FABP3: variants seen among roughly 807,000 people sequenced by gnomAD.
FABP3 encodes fatty acid-binding protein, heart.
FABP3 carries 8 observed loss-of-function variants against 13.4 expected under a neutral mutation model. The observed-to-expected ratio is 0.60, with a 90% CI of 0.35 to 1.07. FABP3 has a LOEUF of 1.07. Among genes scored for constraint, FABP3 ranks in the 50% least tolerant of loss-of-function variants. The pLI is 0.02. For synonymous variants in FABP3, 64 were observed against 60.0 expected (o/e 1.07, Z -0.31); for missense variants, 135 against 164.7 (o/e 0.82, Z 0.99).
intron 2 of FABP3, among the ~76,000 whole-genome samples, chr1:31,367,807 T>C (rs745690250): frequency 6.6e-6 from 1 of 152,178 alleles, no homozygotes; most frequent in Non-Finnish European, 1.5e-5. Flanking sequence ...CAGACACTTA[T>C]CTGTACTCTA....
chr1:31,364,990 A>T (rs1372695719), downstream of FABP3: 1 of 152,208 alleles, frequency 6.6e-6, no homozygotes, highest in African/African-American at 2.4e-5. Context: ...TACAGACTTA[A>T]AGTCACTGAG....
chr1:31,370,744 C>T (rs2148496134), intron 1 of FABP3, among the ~76,000 whole-genome samples: 1 of 152,252 alleles, frequency 6.6e-6, no homozygotes, highest in South Asian at 2.1e-4. Context: ...GAACAAAGAA[C>T]TAATCATGAC....
At chr1:31,363,312 T>C (rs1162416346), downstream of FABP3, among the ~76,000 whole-genome samples, 1 of 151,792 alleles carries the variant, frequency 6.6e-6, no homozygotes, top group Non-Finnish European at 1.5e-5. Flanking sequence ...GCCTCCCGAG[T>C]AGCTGGGACT....
downstream of FABP3, chr1:31,364,884 T>C (rs955266985): frequency 6.6e-6 from 1 of 152,276 alleles, no homozygotes; most frequent in Non-Finnish European, 1.5e-5. Flanking sequence ...TGATTCTACT[T>C]CAGGTCCTTG....
chr1:31,367,675 G>C (rs1037793009), intron 2 of FABP3, among the ~76,000 whole-genome samples, 181 bp from the exon 3 acceptor site: 10 of 152,224 alleles, frequency 6.6e-5, no homozygotes, highest in African/African-American at 1.9e-4. Context: ...TTCACCTCCA[G>C]CCTCTGCTCC....
At chr1:31,370,344 C>T (rs1640186071) in intron 1 of FABP3, among the ~76,000 whole-genome samples, 1 of 152,210 alleles carries the variant, frequency 6.6e-6, no homozygotes, top group Non-Finnish European at 1.5e-5. Flanking sequence ...GGCTGCCTTC[C>T]AGGGCACCTG....
downstream of FABP3, chr1:31,363,975 T>C: frequency 1.3e-6 from 2 of 1,586,924 alleles, no homozygotes; most frequent in Admixed American, 1.8e-5. Context: ...TTATGTGCTA[T>C]GATTGTTAAA....
intron 2 of FABP3, among the ~76,000 whole-genome samples, chr1:31,367,798 A>T (rs1010575968): frequency 2.0e-5 from 3 of 152,194 alleles, no homozygotes; most frequent in Non-Finnish European, 4.4e-5. Context: ...CCTTCAAGAC[A>T]GACACTTATC....
intron 2 of FABP3, among the ~76,000 whole-genome samples, chr1:31,368,217 C>T (rs1640145540): frequency 6.6e-6 from 1 of 152,168 alleles, no homozygotes; most frequent in Admixed American, 6.5e-5. Flanking sequence ...TCCTGATGAG[C>T]AAGGTGGTTC....
At chr1:31,363,904 C>T (rs937682520), downstream of FABP3, 1 of 1,402,730 alleles carries the variant, frequency 7.1e-7, no homozygotes, top group East Asian at 2.5e-5. Flanking sequence ...CTCAAGCATT[C>T]CTCCCACCTC....
At chr1:31,369,701 C>G in intron 1 of FABP3, 144 bp from the exon 2 acceptor site, 1 of 729,608 alleles carries the variant, frequency 1.4e-6, no homozygotes, top group East Asian at 2.7e-5. Flanking sequence ...TTTTAAAATT[C>G]AGTCTTGCGC....
At chr1:31,372,060 C>T (rs1310137383) in intron 1 of FABP3, among the ~76,000 whole-genome samples, 1 of 152,180 alleles carries the variant, frequency 6.6e-6, no homozygotes. Flanking sequence ...ATGGGAATCT[C>T]CAAGTTCCTC....
chr1:31,369,473 T>C lies in FABP3; in HGVS notation c.158A>G (p.Lys53Arg), dbSNP rs2228194. Residue 53 changes from lysine (K) to arginine (R), a missense_variant, in exon 2 of 4, where the codon AAA becomes AGA. Physicochemically the swap from Lys to Arg is conservative, Grantham distance 26. Coordinates refer to ENST00000373713, the MANE Select transcript of FABP3 (RefSeq NM_004102.5). ...TGTGTTCTTGAAGGTGCTGTGTGTT[T>C]TTAGGGTGAGAATGTCCCCATTCTT... Reference protein sequence around the residue: ...IEKNGDILTLKTHSTFKNTEI... With the variant: ...IEKNGDILTLRTHSTFKNTEI... 0.032 allele frequency: 51,184 copies of C among 1,614,132 alleles called. 924 individuals are homozygous for C. Among genetic ancestry groups the C allele is most frequent in the Non-Finnish European group, 0.036 (43,039 of 1,180,014 alleles).
Position 31,367,308 on chromosome 1 carries a change from G to A in FABP3, c.348+85C>T, listed in dbSNP as rs1441493001. 4.6e-6 allele frequency: 5 copies of A among 1,085,582 alleles called. No homozygotes were observed. In the Admixed American group the frequency reaches 6.8e-5, roughly 15 times the overall value. 67.2% of individuals were successfully genotyped at this position (1,085,582 alleles called of 1,614,324 possible). ...GTCCCAGCTTCTACAGCTCTCAGGG[G>A]AGGACTTGGCTTTTTAGAACAGGCT... On this transcript the variant is annotated intron_variant, in intron 3 of 3. Coordinates refer to ENST00000373713, the MANE Select transcript of FABP3 (RefSeq NM_004102.5).
chr1:31,364,287 T>C (rs1483025105), downstream of FABP3: 1 of 1,466,644 alleles, frequency 6.8e-7, no homozygotes, highest in East Asian at 2.5e-5. Flanking sequence ...GAATATAGCC[T>C]CCCACCCCAT....
Position 31,372,936 on chromosome 1 carries a change from G to C in FABP3, c.73+6C>G. 2 of 1,612,658 alleles carry C rather than the reference G, an allele frequency of 1.2e-6. No homozygotes were observed. The highest frequency in any genetic ancestry group is 2.7e-5 in the African/African-American group (2 of 75,056). On this transcript the variant is annotated splice_donor_region_variant and intron_variant, in intron 1 of 3. Transcript: ENST00000373713. ...GCCAACATCCTGAGCCCCGCGGCTTGCTCACCGAGTGACTTCATGTAGTCA... is the reference window on the plus strand; with the variant it reads ...GCCAACATCCTGAGCCCCGCGGCTTCCTCACCGAGTGACTTCATGTAGTCA...
At chr1:31,363,745 G>A (rs757671051), downstream of FABP3, among the ~76,000 whole-genome samples, 72 of 152,186 alleles carry the variant, frequency 4.7e-4, no homozygotes, top group Non-Finnish European at 8.5e-4. Flanking sequence ...TCGTGCCACT[G>A]CACTGCACTC....
chr1:31,364,446 A>G, downstream of FABP3: 1 of 524,726 alleles, frequency 1.9e-6, no homozygotes, highest in East Asian at 3.1e-5. Context: ...CCATTCATTC[A>G]CCCAACTTCC....
chr1:31,363,788 G>A (rs1640021957), downstream of FABP3, among the ~76,000 whole-genome samples: 1 of 152,082 alleles, frequency 6.6e-6, no homozygotes, highest in Admixed American at 6.5e-5. Context: ...CTGTCTAAAA[G>A]AAAATTAAGT....
Sources: allele counts gnomAD v4.1 joint callset (sites outside exome capture counted in the v4.1 genomes callset), GRCh38; gene constraint gnomAD v4.1.1; transcripts MANE v1.5; gene names NCBI Gene and HGNC (gene_info 2026-07-23, HGNC 2026-07-21).